The following CADPS variants were observed in gnomAD, a reference collection of about 807,000 sequenced individuals.
CADPS encodes calcium-dependent secretion activator 1.
Under a neutral mutation model 167.3 loss-of-function variants are expected in CADPS, and 57 were observed. The observed-to-expected ratio is 0.34, with a 90% confidence interval of 0.28 to 0.42. The LOEUF is 0.42. CADPS is among the 20% of genes least tolerant of loss of function. The probability of loss-of-function intolerance (pLI) is 1.00; values close to 1 mark genes in which losing one functional copy is unlikely to be tolerated. For missense variants in CADPS, 1,414 were observed against 1,738.1 expected (o/e 0.81, Z 3.32); for synonymous variants, 676 against 635.3 (o/e 1.06, Z -0.96).
At chr3:62,719,682 T>C (rs757200551) in intron 3 of CADPS, among the ~76,000 whole-genome samples, 1 of 152,198 alleles carries the variant, frequency 6.6e-6, no homozygotes, top group Non-Finnish European at 1.5e-5. Context: ...CTGGAAAATA[T>C]ACATCCTGAA....
chr3:62,517,091 A>G (rs2069173394), intron 14 of CADPS, among the ~76,000 whole-genome samples: 1 of 152,212 alleles, frequency 6.6e-6, no homozygotes, highest in Non-Finnish European at 1.5e-5. Flanking sequence ...TGATTCTGCT[A>G]GCTATCCTTC....
intron 9 of CADPS, among the ~76,000 whole-genome samples, chr3:62,562,545 G>A (rs796230453): frequency 2.6e-5 from 4 of 152,228 alleles, no homozygotes; most frequent in African/African-American, 7.2e-5. Context: ...GTGTTGCCCA[G>A]GCTAGTCTCA....
At chr3:62,835,566 TA>T (rs1455111076) in intron 1 of CADPS, among the ~76,000 whole-genome samples, 2 of 152,200 alleles carry the variant, frequency 1.3e-5, no homozygotes, top group Admixed American at 1.3e-4. Flanking sequence ...ATCATGTGTA[TA>T]CACCTTGTAA....
Position 62,704,090 on chromosome 3 carries a change from G to A in CADPS, c.889-41696C>T, listed in dbSNP as rs115387247. Among the ~76,000 whole-genome samples, 623 of 152,226 alleles carry A rather than the reference G, an allele frequency of 4.1e-3. 5 individuals carry two copies. Among genetic ancestry groups the A allele is most frequent in the African/African-American group, 0.014 (592 of 41,502 alleles). On this transcript the variant is annotated intron_variant, in intron 3 of 29. Transcript: ENST00000383710. ...GTACTGGGGACATAGCAATGAATGCGTCAAACAAGGTCTGTGCTTACTTGG... is the reference window on the plus strand; with the variant it reads ...GTACTGGGGACATAGCAATGAATGCATCAAACAAGGTCTGTGCTTACTTGG...
chr3:62,443,064 A>G (rs2149875038), intron 27 of CADPS, among the ~76,000 whole-genome samples: 1 of 152,304 alleles, frequency 6.6e-6, no homozygotes, highest in African/African-American at 2.4e-5. Flanking sequence ...GCTGGTAAAA[A>G]AATACTTTTT....
chr3:62,855,326 C>A (rs1419066056), intron 1 of CADPS, among the ~76,000 whole-genome samples: 1 of 151,882 alleles, frequency 6.6e-6, no homozygotes, highest in Non-Finnish European at 1.5e-5. Context: ...TCTCTTAAGA[C>A]ATCCTTGATT....
At chr3:62,844,288 A>C (rs2077061853) in intron 1 of CADPS, among the ~76,000 whole-genome samples, 1 of 152,186 alleles carries the variant, frequency 6.6e-6, no homozygotes, top group Admixed American at 6.5e-5. Flanking sequence ...ACTTGACTAA[A>C]CTCTAAGGGA....
chr3:62,448,894 G>A (rs550730226), intron 26 of CADPS, among the ~76,000 whole-genome samples: 24 of 152,132 alleles, frequency 1.6e-4, no homozygotes, highest in Non-Finnish European at 2.6e-4. Flanking sequence ...GATTACAGGC[G>A]TGAGCCACCA....
intron 6 of CADPS, among the ~76,000 whole-genome samples, chr3:62,627,810 C>T (rs1287320893): frequency 6.6e-6 from 1 of 152,092 alleles, no homozygotes; most frequent in South Asian, 2.1e-4. Flanking sequence ...TGTGTCATTA[C>T]TGATGCTTCC....
intron 28 of CADPS, among the ~76,000 whole-genome samples, chr3:62,428,296 CTTTTTTTTTTTTTTTTTTTTT>C (rs34002756): frequency 3.1e-5 from 2 of 64,646 alleles, no homozygotes; most frequent in East Asian, 9.8e-4. Flanking sequence ...GGAAGCAAGA[CTTTTTTTTTTTTTTTTTTTTT>C]TTTTTTTTTT....
At chr3:62,657,644 T>A (rs2072016752) in intron 4 of CADPS, among the ~76,000 whole-genome samples, 1 of 152,222 alleles carries the variant, frequency 6.6e-6, no homozygotes, top group Non-Finnish European at 1.5e-5. Flanking sequence ...TTTCTGGAAC[T>A]TTTAAGGCAG....
chr3:62,646,089 C>A (rs931892350), intron 5 of CADPS, among the ~76,000 whole-genome samples: 3 of 151,678 alleles, frequency 2.0e-5, no homozygotes, highest in Admixed American at 6.6e-5. Context: ...GCCAGACAGG[C>A]ATATAAAATG....
At chr3:62,808,850 T>C (rs1480801493) in intron 1 of CADPS, among the ~76,000 whole-genome samples, 2 of 152,100 alleles carry the variant, frequency 1.3e-5, no homozygotes, top group Admixed American at 6.6e-5. Context: ...TGGAGTACAA[T>C]ATGCATTTCA....
intron 9 of CADPS, among the ~76,000 whole-genome samples, chr3:62,559,498 ATT>A (rs551522512): frequency 2.8e-5 from 4 of 144,826 alleles, no homozygotes; most frequent in Non-Finnish European, 4.6e-5. Context: ...CCCATGGGGA[ATT>A]TTTTTTTTTT....
At chr3:62,718,028 AGTAATT>A (rs2085021277) in intron 3 of CADPS, among the ~76,000 whole-genome samples, 1 of 105,694 alleles carries the variant, frequency 9.5e-6, no homozygotes. Context: ...CACATCTTAG[AGTAATT>A]TTTTTTTTCT....
At chr3:62,501,775 A>T (rs1211028075) in intron 17 of CADPS, among the ~76,000 whole-genome samples, 2 of 152,188 alleles carry the variant, frequency 1.3e-5, no homozygotes, top group African/African-American at 4.8e-5. Context: ...TGTTTGGAAA[A>T]ATCCAAGATG....
chr3:62,594,121 ATTT>A (rs879469661), intron 6 of CADPS, among the ~76,000 whole-genome samples: 2 of 144,056 alleles, frequency 1.4e-5, no homozygotes, highest in Non-Finnish European at 3.1e-5. Context: ...GCTCATTATG[ATTT>A]TTTTTATTTT....
intron 3 of CADPS, among the ~76,000 whole-genome samples, chr3:62,723,055 C>G (rs1044351700): frequency 1.1e-4 from 16 of 152,136 alleles, no homozygotes; most frequent in African/African-American, 3.9e-4. Flanking sequence ...TAGTACTAGG[C>G]TTTGAGGATG....
chr3:62,798,686 T>C (rs1053992946), intron 1 of CADPS, among the ~76,000 whole-genome samples: 4 of 152,160 alleles, frequency 2.6e-5, no homozygotes, highest in Non-Finnish European at 5.9e-5. Flanking sequence ...GTTACCCCTG[T>C]GAAGCTTCCC....
Sources: allele counts gnomAD v4.1 joint callset (sites outside exome capture counted in the v4.1 genomes callset), GRCh38; gene constraint gnomAD v4.1.1; transcripts MANE v1.5; gene names NCBI Gene and HGNC (gene_info 2026-07-23, HGNC 2026-07-21).